Variants in ARNT2 observed in about 807,000 individuals in gnomAD.
The protein encoded by ARNT2 is aryl hydrocarbon receptor nuclear translocator 2.
A neutral mutation model predicts 91.7 loss-of-function variants in ARNT2; 36 were observed. The observed-to-expected ratio is 0.39, with a 90% CI of 0.30 to 0.52. The LOEUF (loss-of-function observed/expected upper bound fraction) is 0.52. Among genes scored for constraint, ARNT2 ranks in the 20% least tolerant of loss-of-function variants. The pLI is 0.72. For missense variants in ARNT2, 775 were observed against 939.3 expected (o/e 0.83, Z 2.29); for synonymous variants, 365 against 347.1 (o/e 1.05, Z -0.57).
chr15:80,479,410 A>G (rs941384948), intron 5 of ARNT2, among the ~76,000 whole-genome samples: 2 of 152,200 alleles, frequency 1.3e-5, no homozygotes, highest in African/African-American at 4.8e-5. Context: ...TCTGCGAATA[A>G]AACTGGAATT....
chr15:80,477,298 C>A (rs937390558), intron 5 of ARNT2, among the ~76,000 whole-genome samples: 2 of 152,172 alleles, frequency 1.3e-5, no homozygotes, highest in Non-Finnish European at 2.9e-5. Context: ...GATCAAGGCA[C>A]CTTGATGTCT....
chr15:80,424,790 T>A (rs74027966), intron 1 of ARNT2, among the ~76,000 whole-genome samples: 22,898 of 140,952 alleles, frequency 0.16, 1,928 homozygotes, highest in Non-Finnish European at 0.2. Flanking sequence ...AAAAAAAAAA[T>A]AGGTAAACAG....
rs1331368708 is a variant in ARNT2, at chr15:80,433,247, A to ATTTTATTTTAT, written c.32-17629_32-17619dup. On this transcript the variant is annotated intron_variant, in intron 1 of 18. Coordinates refer to ENST00000303329, the MANE Select transcript of ARNT2 (RefSeq NM_014862.4). ...CACTATATTTTATTTATTTTATTTT[A>ATTTTATTTTAT]TTTTATTTTATTTTATTTTATTTTA... Among the ~76,000 whole-genome samples the ATTTTATTTTAT allele has an allele frequency of 4.6e-3, 324 of 70,230 alleles. 4 individuals are homozygous for ATTTTATTTTAT. The highest frequency in any genetic ancestry group is 0.015 in the African/African-American group (306 of 20,400). 46.1% of individuals were successfully genotyped at this position (70,230 alleles called of 152,430 possible).
At chr15:80,468,412 C>G (rs1896688195) in intron 3 of ARNT2, among the ~76,000 whole-genome samples, 1 of 152,176 alleles carries the variant, frequency 6.6e-6, no homozygotes, top group Admixed American at 6.5e-5. Context: ...TTCCCAGCTT[C>G]TCTTGCTCCT....
At chr15:80,573,249 C>A (rs1898614894) in intron 12 of ARNT2, among the ~76,000 whole-genome samples, 1 of 152,184 alleles carries the variant, frequency 6.6e-6, no homozygotes, top group Non-Finnish European at 1.5e-5. Context: ...ATTTTAATGG[C>A]AAAATGTTTC....
At chr15:80,498,671 C>T (rs892328503) in intron 5 of ARNT2, among the ~76,000 whole-genome samples, 5 of 152,246 alleles carry the variant, frequency 3.3e-5, no homozygotes, top group South Asian at 2.1e-4. Context: ...CCAAAGTTCT[C>T]TACTAAACCA....
chr15:80,577,138 T>A (rs565368124), intron 15 of ARNT2, among the ~76,000 whole-genome samples, 173 bp downstream of exon 15: 1 of 152,174 alleles, frequency 6.6e-6, no homozygotes, highest in African/African-American at 2.4e-5. Flanking sequence ...GTGAGCCCTC[T>A]ATGAGTTGCC....
chr15:80,535,320 C>G (rs1486891875), intron 8 of ARNT2, among the ~76,000 whole-genome samples: 1 of 152,210 alleles, frequency 6.6e-6, no homozygotes, highest in Admixed American at 6.5e-5. Context: ...TCCTAGCCTA[C>G]AGGCAGGAAT....
intron 3 of ARNT2, among the ~76,000 whole-genome samples, chr15:80,469,695 A>G (rs548529575): frequency 3.3e-5 from 5 of 152,238 alleles, no homozygotes; most frequent in South Asian, 4.2e-4. Context: ...GCTTACTGCA[A>G]TCTCCATCTC....
intron 1 of ARNT2, among the ~76,000 whole-genome samples, chr15:80,410,072 G>T (rs561599794): frequency 1.3e-5 from 2 of 152,316 alleles, no homozygotes; most frequent in Admixed American, 1.3e-4. Flanking sequence ...ACTTTTAAAT[G>T]CTGCTTCTGG....
chr15:80,558,678 G>A (rs1371244741), intron 11 of ARNT2, among the ~76,000 whole-genome samples: 2 of 152,152 alleles, frequency 1.3e-5, no homozygotes, highest in African/African-American at 2.4e-5. Context: ...ACCACTGAGT[G>A]TAGAGCCCTG....
At chr15:80,561,145 A>G (rs1898337708) in intron 11 of ARNT2, among the ~76,000 whole-genome samples, 1 of 152,170 alleles carries the variant, frequency 6.6e-6, no homozygotes, top group African/African-American at 2.4e-5. Context: ...TCTGGCCAAG[A>G]CGACAGACAC....
At chr15:80,562,079 C>CT (rs35018525) in intron 11 of ARNT2, among the ~76,000 whole-genome samples, 56,755 of 144,612 alleles carry the variant, frequency 0.39, 11,635 homozygotes, top group East Asian at 0.73. Flanking sequence ...CTTCTTCCTT[C>CT]TTTTTTTTTT....
rs980371057 is a variant in ARNT2, at chr15:80,566,702, T to C, written c.1316+3463T>C. Reference sequence around the variant, plus strand: ...TGTCCCAGCAGCCTCGGATAACTCATATGAAATAACCTGTTCTCACTGGTC... The same window carrying C: ...TGTCCCAGCAGCCTCGGATAACTCACATGAAATAACCTGTTCTCACTGGTC... On this transcript the variant is annotated intron_variant, in intron 12 of 18. Transcript: ENST00000303329. Among the ~76,000 whole-genome samples the C allele has an allele frequency of 7.2e-5, 11 of 152,352 alleles. 2 individuals are homozygous for C. The highest frequency in any genetic ancestry group is 1.9e-4 in the East Asian group (1 of 5,186).
At chr15:80,512,660 A>G (rs1897361637) in intron 6 of ARNT2, among the ~76,000 whole-genome samples, 1 of 152,256 alleles carries the variant, frequency 6.6e-6, no homozygotes, top group Non-Finnish European at 1.5e-5. Flanking sequence ...GTAGAGCACC[A>G]GCAATACAAA....
chr15:80,496,578 C>G (rs1370031861), intron 5 of ARNT2, among the ~76,000 whole-genome samples: 1 of 152,230 alleles, frequency 6.6e-6, no homozygotes, highest in African/African-American at 2.4e-5. Context: ...TGTCACCAGC[C>G]TTTCCCTGCC....
At chr15:80,421,420 G>T (rs1895859798) in intron 1 of ARNT2, among the ~76,000 whole-genome samples, 2 of 100,218 alleles carry the variant, frequency 2.0e-5, no homozygotes, top group African/African-American at 7.2e-5. Context: ...AGGAAGGAAA[G>T]GAGGGAGGGA....
At chr15:80,476,469 A>G (rs1020403540) in intron 5 of ARNT2, among the ~76,000 whole-genome samples, 5 of 152,276 alleles carry the variant, frequency 3.3e-5, no homozygotes, top group African/African-American at 1.2e-4. Flanking sequence ...TTGAAACAAG[A>G]GTTATAGAAG....
chr15:80,550,027 G>A (rs891553236), intron 8 of ARNT2, among the ~76,000 whole-genome samples: 1 of 152,164 alleles, frequency 6.6e-6, no homozygotes. Flanking sequence ...AAAGAATTGA[G>A]GAAGAGCTGT....
Sources: gnomAD v4.1 joint callset for allele counts (sites outside exome capture counted in the v4.1 genomes callset) on GRCh38, gnomAD v4.1.1 for gene constraint, MANE v1.5 for transcripts, NCBI Gene and HGNC (gene_info 2026-07-23, HGNC 2026-07-21) for gene names.